IL36G: variants seen among roughly 807,000 people sequenced by gnomAD.
IL36G encodes interleukin 36 gamma.
Under a neutral mutation model 13.5 loss-of-function variants are expected in IL36G, and 10 were observed. That is an observed-to-expected ratio of 0.74 (90% confidence interval 0.46 to 1.26). The LOEUF is 1.26. Ranked by LOEUF, IL36G falls within the 50% of genes most tolerant of loss-of-function variation. IL36G has a pLI of 0.00. For missense variants in IL36G, 199 were observed against 203.0 expected (o/e 0.98, Z 0.12); for synonymous variants, 84 against 74.0 (o/e 1.13, Z -0.69).
Position 112,978,748 on chromosome 2 carries a change from C to T in IL36G, c.55+55C>T, listed in dbSNP as rs28947207. 5.0e-3 allele frequency: 7,636 copies of T among 1,534,094 alleles called. 303 individuals are homozygous for T. The African/African-American group carries it at 0.086, about 17-fold the overall frequency. The stretch of plus-strand genomic sequence containing the variant: ...TGGAGGCTTAGGCCCTCTGCACTCA[C>T]GCTATCTCCTGTGGAAGCCCCAGCC... On this transcript the variant is annotated intron_variant, in intron 2 of 4. Coordinates refer to ENST00000259205, the MANE Select transcript of IL36G (RefSeq NM_019618.4).
chr2:112,978,529 C>A, intron 1 of IL36G, 91 bp from the exon 2 acceptor site: 1 of 1,028,978 alleles, frequency 9.7e-7, no homozygotes, highest in Non-Finnish European at 1.5e-6. Flanking sequence ...TTCCCAGCTC[C>A]CTGTCTAGAA....
intron 3 of IL36G, among the ~76,000 whole-genome samples, 192 bp from the exon 4 acceptor site, chr2:112,979,817 G>A (rs1684231765): frequency 6.7e-6 from 1 of 150,052 alleles, no homozygotes; most frequent in Admixed American, 6.7e-5. Context: ...CATTTACTAG[G>A]GCAGTGATTG....
chr2:112,982,671 G>A (rs1573342658), intron 4 of IL36G, among the ~76,000 whole-genome samples: 2 of 152,240 alleles, frequency 1.3e-5, no homozygotes, highest in South Asian at 2.1e-4. Flanking sequence ...TCAGGACTGA[G>A]AATGACATTT....
intron 4 of IL36G, among the ~76,000 whole-genome samples, chr2:112,983,238 T>C (rs531594097): frequency 1.3e-5 from 2 of 151,992 alleles, no homozygotes; most frequent in South Asian, 4.2e-4. Context: ...ATGGAGGAGG[T>C]ATGGGAGTTT....
chr2:112,979,603 G>T (rs1315836603), intron 3 of IL36G, among the ~76,000 whole-genome samples: 1 of 152,058 alleles, frequency 6.6e-6, no homozygotes, highest in Non-Finnish European at 1.5e-5. Flanking sequence ...ATGACTTCAG[G>T]GTGTCCTAAA....
At chr2:112,981,437 T>A in intron 4 of IL36G, 1 of 690,798 alleles carries the variant, frequency 1.4e-6, no homozygotes. Context: ...CTGGGCATGG[T>A]GGTGGCCACC....
At position 112,980,102 on chromosome 2, in the gene IL36G, G is replaced by T. The variant is rs776389005; in HGVS notation, c.254G>T (p.Cys85Phe). ...TTGGGAATCCAGAATCCAGAAATGT[G>T]TTTGTATTGTGAGAAGGTTGGAGAA... ...IYLGIQNPEM[C>F]LYCEKVGEQP... The change falls in exon 4 of 5, where the codon TGT becomes TTT. Residue 85 changes from cysteine to phenylalanine, a missense_variant. Physicochemically the swap from Cys to Phe is radical, Grantham distance 205. Coordinates refer to ENST00000259205, the MANE Select transcript of IL36G (RefSeq NM_019618.4). The T allele has an allele frequency of 1.2e-6, 2 of 1,614,134 alleles. No individual in the cohort carries two copies. The highest frequency in any genetic ancestry group is 1.7e-6 in the Non-Finnish European group (2 of 1,179,984).
chr2:112,981,121 T>A, intron 4 of IL36G: 1 of 893,916 alleles, frequency 1.1e-6, no homozygotes, highest in Admixed American at 1.8e-5. Context: ...TTTCAAACTG[T>A]ACAGTCACCA....
chr2:112,978,516 G>T (rs997367081), intron 1 of IL36G, 104 bp from the exon 2 acceptor site: 1 of 905,750 alleles, frequency 1.1e-6, no homozygotes, highest in Non-Finnish European at 1.8e-6. Flanking sequence ...TGTCAGGCCA[G>T]GTTTCCCAGC....
At chr2:112,981,436 G>C in intron 4 of IL36G, 1 of 691,392 alleles carries the variant, frequency 1.4e-6, no homozygotes, top group East Asian at 2.6e-5. Context: ...CCTGGGCATG[G>C]TGGTGGCCAC....
At chr2:112,984,816 T>A in intron 4 of IL36G, 24 bp from the exon 5 acceptor site, 1 of 1,580,610 alleles carries the variant, frequency 6.3e-7, no homozygotes, top group Non-Finnish European at 8.7e-7. Context: ...TTTCTCCTAA[T>A]GGGTACTTGT....
intron 4 of IL36G, among the ~76,000 whole-genome samples, 165 bp downstream of exon 4, chr2:112,980,313 C>T (rs887011002): frequency 6.6e-6 from 1 of 151,508 alleles, no homozygotes; most frequent in African/African-American, 2.4e-5. Flanking sequence ...TTTATTCTGG[C>T]TGTCAGTAGT....
At chr2:112,980,798 A>G (rs1339328285) in intron 4 of IL36G, among the ~76,000 whole-genome samples, 3 of 152,256 alleles carry the variant, frequency 2.0e-5, no homozygotes, top group African/African-American at 7.2e-5. Flanking sequence ...AGTTAAATCT[A>G]TGCTGAAAGA....
intron 3 of IL36G, 149 bp from the exon 4 acceptor site, chr2:112,979,860 A>AATGAATGAATGG: frequency 1.6e-6 from 1 of 639,678 alleles, no homozygotes; most frequent in Non-Finnish European, 2.7e-6. Flanking sequence ...TGAATGAATG[A>AATGAATGAATGG]ATATGGGGGT....
chr2:112,980,606 C>A (rs776368834), intron 4 of IL36G, among the ~76,000 whole-genome samples: 1 of 152,144 alleles, frequency 6.6e-6, no homozygotes, highest in Non-Finnish European at 1.5e-5. Flanking sequence ...ACAAGCCAAC[C>A]CTGACTTTCA....
At chr2:112,981,557 A>G (rs1173804748) in intron 4 of IL36G, 5 of 411,634 alleles carry the variant, frequency 1.2e-5, no homozygotes, top group African/African-American at 2.0e-5. Context: ...TTAACCTTTG[A>G]TATATTCTTG....
intron 2 of IL36G, 113 bp from the exon 3 acceptor site, chr2:112,979,108 C>A: frequency 3.0e-6 from 2 of 676,026 alleles, no homozygotes; most frequent in Non-Finnish European, 5.3e-6. Context: ...TTTGGGGATG[C>A]AAACCCCACA....
chr2:112,983,302 A>G (rs950117818), intron 4 of IL36G, among the ~76,000 whole-genome samples: 1 of 152,188 alleles, frequency 6.6e-6, no homozygotes, highest in African/African-American at 2.4e-5. Context: ...GTTGAGTAGA[A>G]TGCTGGGGGC....
rs547422708 is a variant in IL36G at position 112,978,708 on chromosome 2, G to T, written c.55+15G>T. 2 of 1,613,590 alleles carry T rather than the reference G, an allele frequency of 1.2e-6. No homozygotes were observed. Among genetic ancestry groups the T allele is most frequent in the South Asian group, 2.2e-5 (2 of 91,062 alleles). On this transcript the variant is annotated intron_variant, in intron 2 of 4. Coordinates refer to ENST00000259205, the MANE Select transcript of IL36G (RefSeq NM_019618.4). ...CTATCAATCAAGTGAATCAAATGCT[G>T]TTGGGATGGGGCTCTGGAGGCTTAG...
Sources: gnomAD v4.1 joint callset for allele counts (sites outside exome capture counted in the v4.1 genomes callset) on GRCh38, gnomAD v4.1.1 for gene constraint, MANE v1.5 for transcripts, NCBI Gene and HGNC (gene_info 2026-07-23, HGNC 2026-07-21) for gene names.